NMNAT2: variants seen among roughly 807,000 people sequenced by gnomAD.
NMNAT2 encodes nicotinamide nucleotide adenylyltransferase 2.
In NMNAT2, 11 loss-of-function variants were observed where a neutral mutation model predicts 41.6. The ratio of observed to expected loss-of-function variants is 0.26; its 90% confidence interval spans 0.17 to 0.44. NMNAT2 has a LOEUF of 0.44. NMNAT2 is among the 20% of genes least tolerant of loss of function. The pLI, the probability that NMNAT2 is intolerant of heterozygous loss-of-function variation, is 1.00. For missense variants in NMNAT2, 288 were observed against 407.7 expected (o/e 0.71, Z 2.53); for synonymous variants, 148 against 151.2 (o/e 0.98, Z 0.16).
chr1:183,351,093 C>T lies in NMNAT2; in HGVS notation c.86-57300G>A, dbSNP rs1047438916. Among the ~76,000 whole-genome samples the T allele has an allele frequency of 6.6e-5, 10 of 152,220 alleles. No individual in the cohort carries two copies. In the South Asian group the frequency reaches 1.9e-3, roughly 28 times the overall value. Reference sequence around the variant, plus strand: ...ATCTCTATCCTCTTCTTCAGTGCCTCATACTCCAGGTCTTATTCTTTGCTC... The same window carrying T: ...ATCTCTATCCTCTTCTTCAGTGCCTTATACTCCAGGTCTTATTCTTTGCTC... On this transcript the variant is annotated intron_variant, in intron 1 of 10. Coordinates refer to ENST00000287713, the MANE Select transcript of NMNAT2 (RefSeq NM_015039.4).
At chr1:183,294,704 C>T (rs966715313) in intron 1 of NMNAT2, among the ~76,000 whole-genome samples, 3 of 152,118 alleles carry the variant, frequency 2.0e-5, no homozygotes, top group Non-Finnish European at 2.9e-5. Context: ...GCAGGAGAAT[C>T]GCTTGAACCC....
chr1:183,258,637 CGGTTTA>C (rs1660578406), intron 10 of NMNAT2, among the ~76,000 whole-genome samples: 3 of 152,180 alleles, frequency 2.0e-5, no homozygotes, highest in African/African-American at 7.2e-5. Context: ...TTAGAAATTA[CGGTTTA>C]GGAGTCATGC....
chr1:183,365,115 G>T lies in NMNAT2; in HGVS notation c.85+53068C>A, dbSNP rs868189013. Among the ~76,000 whole-genome samples the T allele has an allele frequency of 5.9e-5, 9 of 152,280 alleles. No individual in the cohort carries two copies. The South Asian group carries it at 1.5e-3, about 25-fold the overall frequency. ...TTCTGACAGCCTATGAATCAGAGTG[G>T]GCAGTTTATTCATGTATTTATTTAT... On this transcript the variant is annotated intron_variant, in intron 1 of 10. Transcript: ENST00000287713.
chr1:183,350,646 G>A (rs1663024803), intron 1 of NMNAT2, among the ~76,000 whole-genome samples: 1 of 152,088 alleles, frequency 6.6e-6, no homozygotes, highest in South Asian at 2.1e-4. Context: ...TCTTGGGAGT[G>A]GAATAGAAGG....
intron 1 of NMNAT2, among the ~76,000 whole-genome samples, chr1:183,354,409 C>CTTTTTTTTT (rs67663742): frequency 6.7e-5 from 6 of 89,658 alleles, no homozygotes; most frequent in Non-Finnish European, 8.3e-5. Context: ...TCTTTAATGT[C>CTTTTTTTTT]TTTTTTTTTT....
intron 8 of NMNAT2, among the ~76,000 whole-genome samples, chr1:183,275,474 T>G (rs1288486587): frequency 6.6e-6 from 1 of 151,770 alleles, no homozygotes; most frequent in Non-Finnish European, 1.5e-5. Flanking sequence ...TGAAGCAAGC[T>G]TGGGAGTCTG....
intron 10 of NMNAT2, among the ~76,000 whole-genome samples, chr1:183,254,646 C>G (rs754806802): frequency 3.9e-5 from 6 of 152,080 alleles, no homozygotes; most frequent in Non-Finnish European, 2.9e-5. Context: ...GACAGGGTCT[C>G]ACTATGTCTG....
intron 1 of NMNAT2, among the ~76,000 whole-genome samples, chr1:183,312,276 T>G (rs1446487880): frequency 6.6e-6 from 1 of 151,834 alleles, no homozygotes; most frequent in African/African-American, 2.4e-5. Context: ...TTTTTTTTTT[T>G]TTTGAAATGA....
intron 1 of NMNAT2, among the ~76,000 whole-genome samples, chr1:183,379,047 A>AATGTCT: frequency 7.2e-6 from 1 of 139,762 alleles, no homozygotes; most frequent in East Asian, 2.1e-4. Flanking sequence ...TGTCTCAAAA[A>AATGTCT]ATATCTATAT....
chr1:183,339,979 C>T (rs971509251), intron 1 of NMNAT2, among the ~76,000 whole-genome samples: 5 of 151,872 alleles, frequency 3.3e-5, no homozygotes, highest in Non-Finnish European at 7.4e-5. Context: ...AGGGGAATGT[C>T]GGTTGCCGTA....
chr1:183,412,751 T>G (rs1448682869), intron 1 of NMNAT2, among the ~76,000 whole-genome samples: 1 of 152,250 alleles, frequency 6.6e-6, no homozygotes, highest in African/African-American at 2.4e-5. Context: ...AATTAAGCAT[T>G]AGTCCAAGGT....
chr1:183,289,582 A>G (rs576721769), intron 4 of NMNAT2, among the ~76,000 whole-genome samples: 4 of 152,346 alleles, frequency 2.6e-5, no homozygotes, highest in Middle Eastern at 3.4e-3. Flanking sequence ...TAAAACAGGC[A>G]TCAGACACCA....
chr1:183,326,657 A>T (rs1662470695), intron 1 of NMNAT2, among the ~76,000 whole-genome samples: 2 of 152,168 alleles, frequency 1.3e-5, no homozygotes, highest in African/African-American at 4.8e-5. Flanking sequence ...TAAGGGAAAA[A>T]GAAGTCATTG....
chr1:183,374,040 G>A (rs149795784), intron 1 of NMNAT2, among the ~76,000 whole-genome samples: 116 of 152,266 alleles, frequency 7.6e-4, no homozygotes, highest in African/African-American at 2.7e-3. Context: ...AATAACTCAG[G>A]TGTTGGATAC....
intron 1 of NMNAT2, among the ~76,000 whole-genome samples, chr1:183,405,019 G>A (rs1000622614): frequency 3.3e-5 from 5 of 152,102 alleles, no homozygotes; most frequent in Admixed American, 6.5e-5. Context: ...CCAGGAGTTC[G>A]AGACCAGCCT....
At chr1:183,342,265 A>C (rs945307043) in intron 1 of NMNAT2, among the ~76,000 whole-genome samples, 12 of 152,114 alleles carry the variant, frequency 7.9e-5, no homozygotes, top group Non-Finnish European at 1.6e-4. Context: ...CTGAGATGGG[A>C]GGATTGCTTG....
intron 1 of NMNAT2, among the ~76,000 whole-genome samples, chr1:183,368,808 C>A (rs574909617): frequency 9.8e-5 from 15 of 152,332 alleles, no homozygotes; most frequent in African/African-American, 3.6e-4. Context: ...ATTCATAGTT[C>A]TTTTGTTCTT....
intron 5 of NMNAT2, among the ~76,000 whole-genome samples, chr1:183,285,915 G>A (rs1032698950): frequency 2.0e-5 from 3 of 152,168 alleles, no homozygotes; most frequent in African/African-American, 7.2e-5. Flanking sequence ...GGCTAAGAGT[G>A]TGGGGATTCT....
At chr1:183,330,816 T>TC (rs1272089956) in intron 1 of NMNAT2, among the ~76,000 whole-genome samples, 1 of 152,164 alleles carries the variant, frequency 6.6e-6, no homozygotes, top group Non-Finnish European at 1.5e-5. Flanking sequence ...TGGCAGCTCC[T>TC]CCCCACTTTA....
Sources: allele counts gnomAD v4.1 joint callset (sites outside exome capture counted in the v4.1 genomes callset), GRCh38; gene constraint gnomAD v4.1.1; transcripts MANE v1.5; gene names NCBI Gene and HGNC (gene_info 2026-07-23, HGNC 2026-07-21).